The following AGL variants were observed in gnomAD, a reference collection of about 807,000 sequenced individuals.
The protein encoded by AGL is glycogen debranching enzyme.
AGL carries 128 observed loss-of-function variants against 199.3 expected under a neutral mutation model. The observed-to-expected ratio is 0.64, with a 90% CI of 0.56 to 0.74. The LOEUF is 0.74. AGL is among the 30% of genes least tolerant of loss of function. The probability of loss-of-function intolerance (pLI) is 0.00; values close to 1 mark genes in which losing one functional copy is unlikely to be tolerated. For missense variants in AGL, 1,809 were observed against 1,820.8 expected (o/e 0.99, Z 0.12); for synonymous variants, 584 against 594.7 (o/e 0.98, Z 0.26).
intron 2 of AGL, among the ~76,000 whole-genome samples, chr1:99,857,058 CG>C (rs1649545407): frequency 6.7e-6 from 1 of 149,260 alleles, no homozygotes; most frequent in African/African-American, 2.5e-5. Context: ...GGCGGCTGGC[CG>C]GGCAGGGGGC....
chr1:99,921,689 T>G lies in AGL; in HGVS notation c.*38T>G. On this transcript the variant is annotated 3_prime_UTR_variant, in exon 34 of 34. Coordinates refer to ENST00000361915, the MANE Select transcript of AGL (RefSeq NM_000642.3). The stretch of plus-strand genomic sequence containing the variant: ...ATTAAGTATGCAATTACTTGTATTA[T>G]AGGATGCAAGGTCATCATATGTAAA... 10 of 1,457,494 alleles carry G rather than the reference T, an allele frequency of 6.9e-6. No homozygotes were observed. Among genetic ancestry groups the G allele is most frequent in the Non-Finnish European group, 9.6e-6 (10 of 1,040,030 alleles). The allele number at this position is 1,457,494 out of a possible 1,614,324, so 90.3% of individuals were successfully genotyped here.
chr1:99,921,126 C>T (rs113956540), intron 33 of AGL, among the ~76,000 whole-genome samples: 2 of 151,992 alleles, frequency 1.3e-5, no homozygotes, highest in East Asian at 1.9e-4. Flanking sequence ...GCCATTTTTC[C>T]GCCTAATCAT....
chr1:99,861,536 T>C lies in AGL; in HGVS notation c.116T>C (p.Leu39Ser). The C allele has an allele frequency of 6.2e-7, 1 of 1,614,012 alleles. No individual in the cohort carries two copies. Among genetic ancestry groups the C allele is most frequent in the East Asian group, 2.2e-5 (1 of 44,836 alleles). Residue 39 changes from leucine to serine, a missense_variant, in exon 3 of 34, where the codon TTA becomes TCA. Coordinates refer to ENST00000361915, the MANE Select transcript of AGL (RefSeq NM_000642.3). The stretch of plus-strand genomic sequence containing the variant: ...CTACAGTTCCGATTAGGCCCAACTT[T>C]ACAGGGAAAAGCAGTTACCGTGTAT... Reference protein sequence around the residue: ...YELQFRLGPTLQGKAVTVYTN... With the variant: ...YELQFRLGPTSQGKAVTVYTN...
chr1:99,861,399 A>G, intron 2 of AGL, 104 bp from the exon 3 acceptor site: 4 of 1,563,000 alleles, frequency 2.6e-6, no homozygotes, highest in South Asian at 2.4e-5. Context: ...TTTTAAACAT[A>G]ATTGAAAAAT....
chr1:99,888,195 A>ATATATACTCTG (rs1652603228), intron 21 of AGL, 87 bp downstream of exon 21: 2 of 1,548,448 alleles, frequency 1.3e-6, no homozygotes, highest in Non-Finnish European at 1.8e-6. Flanking sequence ...ATAGGCTCAG[A>ATATATACTCTG]GTATGCCTAC....
chr1:99,900,710 C>A lies in AGL; in HGVS notation c.3437C>A (p.Ala1146Asp). The A allele has an allele frequency of 1.9e-6, 3 of 1,614,032 alleles. No homozygotes were observed. The highest frequency in any genetic ancestry group is 2.5e-6 in the Non-Finnish European group (3 of 1,180,016). ...IPNLLGEGIY[A>D]RYNCRDAVWW... is the part of the protein sequence containing the mutation. ...AATCTACTGGGTGAAGGAATTTATGCCAGATACAATTGTCGGGATGCTGTG... is the reference window on the plus strand; with the variant it reads ...AATCTACTGGGTGAAGGAATTTATGACAGATACAATTGTCGGGATGCTGTG... Residue 1146 changes from alanine (A) to aspartate (D), a missense_variant, in exon 26 of 34, where the codon GCC becomes GAC. Coordinates refer to ENST00000361915, the MANE Select transcript of AGL (RefSeq NM_000642.3).
In AGL at chr1:99,887,969, A is replaced by G; in HGVS notation, c.2682-9A>G. 6.2e-7 allele frequency: 1 copy of G among 1,613,002 alleles called. No individual in the cohort carries two copies. Reference sequence around the variant, plus strand: ...CAATATATGGTTATCTTTATTTTCCAATTCTTAGTCTTGCCTCCAGATTAA... The same window carrying G: ...CAATATATGGTTATCTTTATTTTCCGATTCTTAGTCTTGCCTCCAGATTAA... On this transcript the variant is annotated splice_polypyrimidine_tract_variant and intron_variant, in intron 20 of 33. Coordinates refer to ENST00000361915, the MANE Select transcript of AGL (RefSeq NM_000642.3).
intron 2 of AGL, among the ~76,000 whole-genome samples, chr1:99,853,642 CT>C (rs1649157890): frequency 6.6e-6 from 1 of 152,176 alleles, no homozygotes; most frequent in South Asian, 2.1e-4. Context: ...AATCTCAGTG[CT>C]TTGGGAGGCT....
Position 99,916,595 on chromosome 1 carries a change from T to A in AGL, c.4348-3T>A. 1 of 1,613,050 alleles carries A rather than the reference T, an allele frequency of 6.2e-7. No individual in the cohort carries two copies. The highest frequency in any genetic ancestry group is 2.2e-5 in the East Asian group (1 of 44,806). On this transcript the variant is annotated splice_polypyrimidine_tract_variant and splice_region_variant and intron_variant, in intron 32 of 33. Transcript: ENST00000361915. The stretch of plus-strand genomic sequence containing the variant: ...TTTTTGTCTTTTAAATAATCTTTTT[T>A]AGGAGTGGCTGTGGCCTATTGGGTA...
In AGL at chr1:99,916,481, A is replaced by G. The variant is rs143815159; in HGVS notation, c.4331A>G (p.Asn1444Ser). The change falls in exon 32 of 34, where the codon AAT (asparagine) becomes AGT (serine). Residue 1444 changes from asparagine to serine, a missense_variant. By Grantham distance (46) the Asn-to-Ser change is conservative. Coordinates refer to ENST00000361915, the MANE Select transcript of AGL (RefSeq NM_000642.3). ...AACTACAATCTTGCTAAAGGTTTCAATTATCACCAAGGACCTGTAAGAATT... is the reference window on the plus strand; with the variant it reads ...AACTACAATCTTGCTAAAGGTTTCAGTTATCACCAAGGACCTGTAAGAATT... ...NDNYNLAKGFNYHQGPEWLWP... is the reference protein window; with the variant it reads ...NDNYNLAKGFSYHQGPEWLWP... 4.5e-4 allele frequency: 727 copies of G among 1,611,938 alleles called. 7 individuals are homozygous for G. Among genetic ancestry groups the G allele is most frequent in the South Asian group, 3.4e-3 (308 of 90,830 alleles).
intron 27 of AGL, among the ~76,000 whole-genome samples, chr1:99,908,922 A>G (rs1654524869): frequency 6.6e-6 from 1 of 152,090 alleles, no homozygotes; most frequent in Non-Finnish European, 1.5e-5. Flanking sequence ...CACACTGTGT[A>G]ATTTACTTCT....
In AGL at chr1:99,861,699, T is replaced by G; in HGVS notation, c.279T>G (p.Tyr93Ter). 1 of 1,613,706 alleles carries G rather than the reference T, an allele frequency of 6.2e-7. No individual in the cohort carries two copies. Among genetic ancestry groups the G allele is most frequent in the Non-Finnish European group, 8.5e-7 (1 of 1,179,742 alleles). Reference sequence around the variant, plus strand: ...TGCAACAATCTGGTTCATTTCAGTATTATTTCCTTCAAGGGTAAGTCAGGT... The same window carrying G: ...TGCAACAATCTGGTTCATTTCAGTAGTATTTCCTTCAAGGGTAAGTCAGGT... Reference protein sequence around the residue: ...LNLQQSGSFQYYFLQGNEKSG... With the variant: ...LNLQQSGSFQ The change falls in exon 3 of 34, where the codon TAT becomes TAG. Residue 93 changes from tyrosine (Y) to a stop codon, truncating the protein, a stop_gained. Coordinates refer to ENST00000361915, the MANE Select transcript of AGL (RefSeq NM_000642.3). LOFTEE classifies it high-confidence loss of function.
rs765447247 is a variant in AGL, at chr1:99,877,790, CT to C, written c.1575del (p.Asp526IlefsTer10). ...TGCAACTTATTTCCAGGGAGTACGT[CT>C]TGATAACTGCCACTCAACACCTCTT... Reference protein sequence around the residue: ...ITATYFQGVRLDNCHSTPLHV... With the variant: ...ITATYFQGVRXDNCHSTPLHV... On this transcript the variant is annotated frameshift_variant, in exon 12 of 34. Transcript: ENST00000361915. LOFTEE classifies it high-confidence loss of function. 1 of 1,614,026 alleles carries C rather than the reference CT, an allele frequency of 6.2e-7. No homozygotes were observed. The highest frequency in any genetic ancestry group is 2.2e-5 in the East Asian group (1 of 44,842).
At chr1:99,896,710 G>T (rs1304281119) in intron 25 of AGL, among the ~76,000 whole-genome samples, 1 of 152,176 alleles carries the variant, frequency 6.6e-6, no homozygotes, top group Non-Finnish European at 1.5e-5. Flanking sequence ...TTCTTTGTCT[G>T]AGTCTTGTAG....
Position 99,888,006 on chromosome 1 carries a change from C to CTAAATCA in AGL, c.2711_2717dup (p.Gln906HisfsTer9), listed in dbSNP as rs1288036533. ...TGCCTCCAGATTAACTTTGGCTGAGCTAAATCAGATCCTTTACCGATGTGA... is the reference window on the plus strand; with the variant it reads ...TGCCTCCAGATTAACTTTGGCTGAGCTAAATCATAAATCAGATCCTTTACCGATGTGA... On this transcript the variant is annotated frameshift_variant, in exon 21 of 34. Transcript: ENST00000361915. LOFTEE classifies it high-confidence loss of function. The CTAAATCA allele has an allele frequency of 1.2e-6, 2 of 1,613,418 alleles. No homozygotes were observed. The highest frequency in any genetic ancestry group is 1.7e-6 in the Non-Finnish European group (2 of 1,179,612).
rs534210500 is a variant in AGL at position 99,891,705 on chromosome 1, A to T, written c.3049A>T (p.Thr1017Ser). ...FDAILIGAYT[T>S]LLDTAWKQMS... The stretch of plus-strand genomic sequence containing the variant: ...TGCTATATTAATTGGTGCATATACC[A>T]CTCTTCTGGATACAGCATGGAAGCA... The change falls in exon 23 of 34, where the codon ACT becomes TCT. Residue 1017 changes from threonine (T) to serine (S), a missense_variant. Transcript: ENST00000361915. 1 of 1,613,472 alleles carries T rather than the reference A, an allele frequency of 6.2e-7. No homozygotes were observed. Among genetic ancestry groups the T allele is most frequent in the Admixed American group, 1.7e-5 (1 of 59,976 alleles).
In AGL at chr1:99,921,646, T is replaced by A; in HGVS notation, c.4594T>A (p.Leu1532Ile). 1 of 1,594,880 alleles carries A rather than the reference T, an allele frequency of 6.3e-7. No individual in the cohort carries two copies. The highest frequency in any genetic ancestry group is 8.6e-7 in the Non-Finnish European group (1 of 1,163,148). ...IATILETLYDL is the reference protein window; with the variant it reads ...IATILETLYDI ...TACTATTCTTGAGACACTTTATGAT[T>A]TATAGTTTATTACAGATATTAAGTA... Residue 1532 changes from leucine (L) to isoleucine (I), a missense_variant, in exon 34 of 34, where the codon TTA becomes ATA. Coordinates refer to ENST00000361915, the MANE Select transcript of AGL (RefSeq NM_000642.3).
intron 5 of AGL, among the ~76,000 whole-genome samples, chr1:99,866,291 T>A (rs1423498717): frequency 6.6e-6 from 1 of 152,148 alleles, no homozygotes; most frequent in Non-Finnish European, 1.5e-5. Context: ...AGGCTAAAAT[T>A]GTATTTATTT....
chr1:99,868,930 C>T (rs1650759479), intron 5 of AGL, among the ~76,000 whole-genome samples: 1 of 151,348 alleles, frequency 6.6e-6, no homozygotes, highest in Non-Finnish European at 1.5e-5. Context: ...GGTCAAGCAG[C>T]CCTCCCACCT....
Sources: gnomAD v4.1 joint callset for allele counts (sites outside exome capture counted in the v4.1 genomes callset) on GRCh38, gnomAD v4.1.1 for gene constraint, MANE v1.5 for transcripts, NCBI Gene and HGNC (gene_info 2026-07-23, HGNC 2026-07-21) for gene names.